The following LHFPL3 variants were observed in gnomAD, a reference collection of about 807,000 sequenced individuals.
The protein encoded by LHFPL3 is LHFPL tetraspan subfamily member 3 protein.
In LHFPL3, 5 loss-of-function variants were observed where a neutral mutation model predicts 19.3. The observed-to-expected ratio is 0.26, with a 90% CI of 0.14 to 0.54. LHFPL3 has a LOEUF of 0.54. Among genes scored for constraint, LHFPL3 ranks in the 20% least tolerant of loss-of-function variants. The pLI, the probability that LHFPL3 is intolerant of heterozygous loss-of-function variation, is 0.94. For missense variants in LHFPL3, 249 were observed against 307.4 expected, an observed-to-expected ratio of 0.81 and a Z score of 1.42; for synonymous variants, 133 against 126.2, an observed-to-expected ratio of 1.05 and a Z score of -0.36.
Position 104,907,442 on chromosome 7 carries a change from G to A in LHFPL3, c.*1227G>A, listed in dbSNP as rs771095524. Among the ~76,000 whole-genome samples, 10 of 152,048 alleles carry A rather than the reference G, an allele frequency of 6.6e-5. No individual in the cohort carries two copies. The highest frequency in any genetic ancestry group is 1.0e-4 in the Non-Finnish European group (7 of 67,986). ...ATTCATTTTAGTTGGCTGACATCTGGAAGTAGTTAACAACTAACCAGTGGA... is the reference window on the plus strand; with the variant it reads ...ATTCATTTTAGTTGGCTGACATCTGAAAGTAGTTAACAACTAACCAGTGGA... On this transcript the variant is annotated 3_prime_UTR_variant, in exon 3 of 3. Coordinates refer to ENST00000424859, the MANE Select transcript of LHFPL3 (RefSeq NM_199000.3).
intron 1 of LHFPL3, among the ~76,000 whole-genome samples, chr7:104,611,829 T>G (rs549034085): frequency 6.6e-6 from 1 of 152,292 alleles, no homozygotes; most frequent in African/African-American, 2.4e-5. Flanking sequence ...TTAGTTCATT[T>G]GAAAGCAAGA....
At chr7:104,855,373 C>A (rs1171761707) in intron 2 of LHFPL3, among the ~76,000 whole-genome samples, 2 of 152,206 alleles carry the variant, frequency 1.3e-5, no homozygotes, top group African/African-American at 2.4e-5. Context: ...TAATGCTGAT[C>A]AAGATGCATT....
intron 1 of LHFPL3, among the ~76,000 whole-genome samples, chr7:104,595,473 C>T (rs118017074): frequency 1.2e-4 from 18 of 152,214 alleles, no homozygotes; most frequent in Middle Eastern, 3.2e-3. Flanking sequence ...AGATGTCTGT[C>T]GGCCCCTACT....
chr7:104,700,107 A>T (rs1433048858), intron 1 of LHFPL3, among the ~76,000 whole-genome samples: 1 of 152,196 alleles, frequency 6.6e-6, no homozygotes, highest in African/African-American at 2.4e-5. Context: ...AACTCTAGGC[A>T]TCTTTCACAT....
intron 1 of LHFPL3, among the ~76,000 whole-genome samples, chr7:104,419,946 C>T (rs746164914): frequency 1.1e-4 from 16 of 151,890 alleles, no homozygotes; most frequent in Non-Finnish European, 1.9e-4. Context: ...CCTCAGTCTC[C>T]CAGAGTTAAA....
At chr7:104,575,559 TAAAAAAAAAAA>T (rs58118006) in intron 1 of LHFPL3, among the ~76,000 whole-genome samples, 1 of 36,174 alleles carries the variant, frequency 2.8e-5, no homozygotes, top group Non-Finnish European at 6.1e-5. Flanking sequence ...CAAAGAGATC[TAAAAAAAAAAA>T]AAAAAAAAAA....
intron 1 of LHFPL3, among the ~76,000 whole-genome samples, chr7:104,488,795 C>T (rs1793284539): frequency 6.6e-6 from 1 of 152,214 alleles, no homozygotes; most frequent in Non-Finnish European, 1.5e-5. Flanking sequence ...ATCCAGAGCA[C>T]ACAGCAAAGT....
intron 1 of LHFPL3, among the ~76,000 whole-genome samples, chr7:104,605,245 T>C (rs541060187): frequency 6.6e-6 from 1 of 152,196 alleles, no homozygotes; most frequent in Non-Finnish European, 1.5e-5. Flanking sequence ...TCCTAAAGAC[T>C]ATCCTTTAAC....
At chr7:104,592,347 G>C (rs900168703) in intron 1 of LHFPL3, among the ~76,000 whole-genome samples, 1 of 151,592 alleles carries the variant, frequency 6.6e-6, no homozygotes, top group African/African-American at 2.4e-5. Context: ...CTAACAGTAA[G>C]GACCCTCAGC....
chr7:104,583,968 A>C (rs1224660141), intron 1 of LHFPL3, among the ~76,000 whole-genome samples: 2 of 152,274 alleles, frequency 1.3e-5, no homozygotes, highest in East Asian at 3.9e-4. Context: ...GTATATACCC[A>C]AAGGATTATA....
chr7:104,374,623 A>G (rs1382899456), intron 1 of LHFPL3, among the ~76,000 whole-genome samples: 1 of 152,188 alleles, frequency 6.6e-6, no homozygotes, highest in Non-Finnish European at 1.5e-5. Context: ...ATTAAGACAC[A>G]GCACCATAAG....
intron 1 of LHFPL3, among the ~76,000 whole-genome samples, chr7:104,593,851 T>G (rs528575999): frequency 2.8e-4 from 43 of 151,242 alleles, no homozygotes; most frequent in African/African-American, 9.4e-4. Flanking sequence ...TTTTATCAGA[T>G]ACTAGGATTG....
chr7:104,832,213 G>T (rs1356469830), intron 2 of LHFPL3, among the ~76,000 whole-genome samples: 1 of 151,970 alleles, frequency 6.6e-6, no homozygotes, highest in African/African-American at 2.4e-5. Context: ...AATTGTCATT[G>T]TCCCTTTATG....
intron 2 of LHFPL3, among the ~76,000 whole-genome samples, chr7:104,776,433 G>C (rs773787816): frequency 4.6e-5 from 7 of 152,118 alleles, no homozygotes; most frequent in Admixed American, 3.3e-4. Flanking sequence ...TGTAGTCAAG[G>C]CACCAGAATT....
At chr7:104,884,608 G>A (rs1792115994) in intron 2 of LHFPL3, among the ~76,000 whole-genome samples, 2 of 152,218 alleles carry the variant, frequency 1.3e-5, no homozygotes. Context: ...TCAACCAGCT[G>A]TTAGGAGGGA....
intron 1 of LHFPL3, among the ~76,000 whole-genome samples, chr7:104,429,452 T>C (rs1791910818): frequency 6.6e-6 from 1 of 151,322 alleles, no homozygotes; most frequent in Non-Finnish European, 1.5e-5. Context: ...AGATTACGGG[T>C]GCCCACAACT....
chr7:104,433,799 T>A (rs1388864085), intron 1 of LHFPL3, among the ~76,000 whole-genome samples: 1 of 152,162 alleles, frequency 6.6e-6, no homozygotes, highest in East Asian at 1.9e-4. Flanking sequence ...ATATATTATC[T>A]TTTTTACAAC....
At chr7:104,338,478 A>G (rs1210173375) in intron 1 of LHFPL3, among the ~76,000 whole-genome samples, 1 of 152,208 alleles carries the variant, frequency 6.6e-6, no homozygotes, top group Non-Finnish European at 1.5e-5. Flanking sequence ...AAAATGTATT[A>G]CTGTAGGCTG....
At chr7:104,424,464 A>G (rs1039258316) in intron 1 of LHFPL3, among the ~76,000 whole-genome samples, 1 of 152,240 alleles carries the variant, frequency 6.6e-6, no homozygotes, top group Non-Finnish European at 1.5e-5. Context: ...CATTACAGAG[A>G]AGGTTATGTA....
Sources: allele counts gnomAD v4.1 joint callset (sites outside exome capture counted in the v4.1 genomes callset), GRCh38; gene constraint gnomAD v4.1.1; transcripts MANE v1.5; gene names NCBI Gene and HGNC (gene_info 2026-07-23, HGNC 2026-07-21).